MYH7B: variants seen among roughly 807,000 people sequenced by gnomAD.
MYH7B encodes the protein myosin heavy chain 7B, also known as myosin-7B.
Under a neutral mutation model 234.5 loss-of-function variants are expected in MYH7B, and 205 were observed. That is an observed-to-expected ratio of 0.87 (90% CI 0.78 to 0.98). The LOEUF (loss-of-function observed/expected upper bound fraction) is 0.98. MYH7B is among the 50% of genes least tolerant of loss of function. The pLI is 0.00. For missense variants in MYH7B, 2,652 were observed against 2,633.4 expected, an observed-to-expected ratio of 1.01 and a Z score of -0.15; for synonymous variants, 1,193 against 1,105.0, an observed-to-expected ratio of 1.08 and a Z score of -1.58.
intron 30 of MYH7B, 75 bp downstream of exon 30, chr20:34,996,833 G>A: frequency 6.4e-7 from 1 of 1,553,050 alleles, no homozygotes; most frequent in Non-Finnish European, 8.7e-7. Flanking sequence ...GATTCTTGTG[G>A]TTCCTGCGGC....
At position 34,957,858 on chromosome 20, in the gene MYH7B, C is replaced by T. The variant is rs1307473129; in HGVS notation, c.-336-240C>T. On this transcript the variant is annotated intron_variant, in intron 1 of 44. Transcript: ENST00000262873. ...GGACAGGCTGAGTCCTCCAGTCTCC[C>T]GTGTGTGGTCACGGGATGGGGGGAG... Among the ~76,000 whole-genome samples, 7 of 152,188 alleles carry T rather than the reference C, an allele frequency of 4.6e-5. No individual in the cohort carries two copies. In the South Asian group the frequency reaches 1.0e-3, roughly 22 times the overall value.
rs769829380 is a variant in MYH7B at position 34,977,606 on chromosome 20, T to G, written c.-121-26T>G. 4.5e-6 allele frequency: 7 copies of G among 1,571,006 alleles called. No individual in the cohort carries two copies. The South Asian group carries it at 7.0e-5, about 16-fold the overall frequency. ...CTGTGACACGTGGAGATTGCTGACA[T>G]AGCTCTCCTCCTCTGACCTTGACAG... On this transcript the variant is annotated intron_variant, in intron 3 of 44. Transcript: ENST00000262873.
At chr20:34,986,630 T>C (rs911775712) in intron 14 of MYH7B, among the ~76,000 whole-genome samples, 10 of 152,164 alleles carry the variant, frequency 6.6e-5, no homozygotes, top group African/African-American at 2.2e-4. Context: ...GGACTGTGGC[T>C]CATTCCTCAG....
At chr20:34,964,507 G>A (rs758226461) in intron 2 of MYH7B, among the ~76,000 whole-genome samples, 1 of 152,206 alleles carries the variant, frequency 6.6e-6, no homozygotes, top group Non-Finnish European at 1.5e-5. Context: ...GAGGACGGTT[G>A]TCACCTTGAA....
rs1569059701 is a variant in MYH7B, at chr20:34,997,420, C to T, written c.3527C>T (p.Ala1176Val). Residue 1176 changes from alanine to valine, a missense_variant, in exon 32 of 45, where the codon GCG becomes GTG. Transcript: ENST00000262873. ...CGCGAGGGCTGCCGCAAGCGGGAGG[C>T]GGAGCTGGGGAGGCTGCGGCGGGAG... The T allele has an allele frequency of 3.4e-6, 5 of 1,473,496 alleles. No individual in the cohort carries two copies. The highest frequency in any genetic ancestry group is 4.5e-6 in the Non-Finnish European group (5 of 1,122,294). 91.3% of individuals were successfully genotyped at this position (1,473,496 alleles called of 1,614,324 possible). A position where few individuals can be genotyped will look rare whatever the true frequency, so the allele number is the denominator to read the frequency against.
At chr20:34,995,874 C>T (rs1167505430) in intron 28 of MYH7B, among the ~76,000 whole-genome samples, 1 of 152,238 alleles carries the variant, frequency 6.6e-6, no homozygotes, top group Non-Finnish European at 1.5e-5. Context: ...AGTGCAAGCC[C>T]CTTGAGGGCA....
chr20:34,971,488 AT>A (rs1430728042), intron 2 of MYH7B, among the ~76,000 whole-genome samples: 1 of 146,550 alleles, frequency 6.8e-6, no homozygotes, highest in African/African-American at 2.6e-5. Context: ...CCCTCGTCCT[AT>A]TTTTTGCTTC....
At chr20:34,999,749 A>ATC (rs1569064498) in intron 37 of MYH7B, 42 bp from the exon 38 acceptor site, 1 of 1,226,724 alleles carries the variant, frequency 8.2e-7, no homozygotes. Flanking sequence ...TCCACTGGCC[A>ATC]TCCCCCCCCC....
At chr20:34,980,625 C>T in exon 8 of MYH7B, 2 of 1,614,182 alleles carry the variant, frequency 1.2e-6, no homozygotes, top group Non-Finnish European at 1.7e-6. Flanking sequence ...ACAAATGGCT[C>T]CCAGTCTATA....
chr20:34,979,625 C>T, intron 6 of MYH7B, 36 bp from the exon 7 acceptor site: 1 of 1,613,194 alleles, frequency 6.2e-7, no homozygotes. Context: ...TCGGTTCCTC[C>T]CGGTCCCCCG....
rs375392993 is a variant in MYH7B at position 34,979,497 on chromosome 20, G to T, written c.198+1G>T. 45 of 1,611,142 alleles carry T rather than the reference G, an allele frequency of 2.8e-5. No individual in the cohort carries two copies. Among genetic ancestry groups the T allele is most frequent in the East Asian group, 1.1e-4 (5 of 44,828 alleles). On this transcript the variant is annotated splice_donor_variant, in intron 6 of 44. Coordinates refer to ENST00000262873, the Ensembl canonical transcript of MYH7B. LOFTEE classifies it high-confidence loss of function. ...CACCGTGGAGACCAAAGACCAGAAG[G>T]TTCCGTTCCCCCTTTCCTGAGATTA...
intron 2 of MYH7B, among the ~76,000 whole-genome samples, chr20:34,971,169 A>G (rs2081790437): frequency 6.6e-6 from 1 of 152,060 alleles, no homozygotes; most frequent in African/African-American, 2.4e-5. Context: ...GCTTGAATTC[A>G]CTGTATGACA....
intron 19 of MYH7B, 96 bp downstream of exon 19, chr20:34,988,358 G>A (rs543607470): frequency 2.2e-6 from 3 of 1,362,116 alleles, no homozygotes; most frequent in Admixed American, 2.2e-5. Context: ...GCCTGCAAGT[G>A]TGCATGGAAG....
intron 6 of MYH7B, 25 bp downstream of exon 6, chr20:34,979,521 T>A (rs369950803): frequency 1.2e-6 from 2 of 1,604,010 alleles, no homozygotes; most frequent in Non-Finnish European, 1.7e-6. Flanking sequence ...TTCCTGAGAT[T>A]AGCCTCTCTG....
intron 13 of MYH7B, among the ~76,000 whole-genome samples, chr20:34,985,421 C>A (rs1325200670): frequency 2.0e-5 from 3 of 152,120 alleles, no homozygotes. Context: ...CCCAAATCCT[C>A]ATTTGGCCAG....
Position 34,997,460 on chromosome 20 carries a change from G to C in MYH7B, c.3567G>C (p.Ala1189=), listed in dbSNP as rs373744990. The C allele has an allele frequency of 1.3e-4, 188 of 1,496,406 alleles. 2 individuals carry two copies. The South Asian group carries it at 2.4e-3, about 19-fold the overall frequency. The allele number at this position is 1,496,406 out of a possible 1,614,324, so 92.7% of individuals were successfully genotyped here. Residue 1189 remains alanine, a synonymous_variant, in exon 32 of 45, where the codon GCG becomes GCC. Coordinates refer to ENST00000262873, the Ensembl canonical transcript of MYH7B. ...TGCGGCGGGAGCTGGAGGAGGCGGC[G>C]CTGCGGCACGAGGCCACAGTGGCGG...
exon 39 of MYH7B, chr20:35,000,564 G>T (rs1487722984): frequency 1.3e-6 from 2 of 1,573,326 alleles, no homozygotes; most frequent in South Asian, 1.1e-5. Context: ...GGAGCGCCGG[G>T]CCTCGCTGCT....
rs151049878 is a variant in MYH7B, at chr20:34,993,439, C to G, written c.2413C>G (p.Arg805Gly). ...GGCGCGGAGCCGTGGCCGCCTCATG[C>G]GCCTTGAGTACCAGCGCCTGCTGGG... The change falls in exon 26 of 45, where the codon CGC becomes GGC. Residue 805 changes from arginine to glycine, a missense_variant. This residue lies in a region of MYH7B where 2,279 missense variants were observed against 2,211.4 expected (regional missense o/e 1.03). Transcript: ENST00000262873. The G allele has an allele frequency of 4.5e-5, 73 of 1,609,568 alleles. No homozygotes were observed. Among genetic ancestry groups the G allele is most frequent in the South Asian group, 3.2e-4 (29 of 90,714 alleles).
intron 12 of MYH7B, 55 bp from the exon 13 acceptor site, chr20:34,985,011 G>C: frequency 6.2e-7 from 1 of 1,612,192 alleles, no homozygotes. Context: ...GTCGGGCACA[G>C]GTGGGGACAG....
Sources: allele counts gnomAD v4.1 joint callset (sites outside exome capture counted in the v4.1 genomes callset), GRCh38; gene constraint gnomAD v4.1.1; regional missense constraint gnomAD v4.1.1; transcripts MANE v1.5; gene names NCBI Gene and HGNC (gene_info 2026-07-23, HGNC 2026-07-21).